KCNMB1: variants seen among roughly 807,000 people sequenced by gnomAD.
KCNMB1 encodes the protein potassium calcium-activated channel subfamily M regulatory beta subunit 1.
Under a neutral mutation model 21.7 loss-of-function variants are expected in KCNMB1, and 22 were observed. The observed-to-expected ratio is 1.01, with a 90% CI of 0.72 to 1.45. The LOEUF (loss-of-function observed/expected upper bound fraction) is 1.45, where lower values mean the gene tolerates loss of function less well. Ranked by LOEUF, KCNMB1 falls within the 40% of genes most tolerant of loss-of-function variation. The pLI is 0.00. For synonymous variants in KCNMB1, 114 were observed against 107.6 expected, an observed-to-expected ratio of 1.06 and a Z score of -0.37; for missense variants, 243 against 243.4, an observed-to-expected ratio of 1.00 and a Z score of 0.01.
In KCNMB1 at chr5:170,378,747, A is replaced by C; in HGVS notation, c.533T>G (p.Val178Gly). The C allele has an allele frequency of 6.2e-7, 1 of 1,614,096 alleles. No individual in the cohort carries two copies. Among genetic ancestry groups the C allele is most frequent in the Non-Finnish European group, 8.5e-7 (1 of 1,179,990 alleles). The change falls in exon 4 of 4, where the codon GTG (valine) becomes GGG (glycine). Residue 178 changes from valine (V) to glycine (G), a missense_variant. By Grantham distance (109) the Val-to-Gly change is moderately radical. Transcript: ENST00000274629. ...LTGGLLIIAM[V>G]KSNQYLSILA... The stretch of plus-strand genomic sequence containing the variant: ...GATGGACAGGTACTGGTTGCTCTTC[A>C]CCATGGCGATAATGAGGAGGCCACC...
chr5:170,384,712 T>C lies in KCNMB1; in HGVS notation c.134+602A>G, dbSNP rs1381062312. Among the ~76,000 whole-genome samples, 3 of 152,294 alleles carry C rather than the reference T, an allele frequency of 2.0e-5. No individual in the cohort carries two copies. In the East Asian group the frequency reaches 5.8e-4, roughly 29 times the overall value. On this transcript the variant is annotated intron_variant, in intron 2 of 3. Coordinates refer to ENST00000274629, the MANE Select transcript of KCNMB1 (RefSeq NM_004137.4). Reference sequence around the variant, plus strand: ...TCTTTGTTCCAAATAGAACACGAATTAGGAATTCACAGCTTTTCCTTAAAA... The same window carrying C: ...TCTTTGTTCCAAATAGAACACGAATCAGGAATTCACAGCTTTTCCTTAAAA...
intron 1 of KCNMB1, among the ~76,000 whole-genome samples, chr5:170,388,840 T>C (rs1764591850): frequency 6.6e-6 from 1 of 152,228 alleles, no homozygotes; most frequent in African/African-American, 2.4e-5. Flanking sequence ...ACATGTATCA[T>C]AGCACCTAGC....
At chr5:170,382,940 C>CAAGGAAGGAAGG (rs60329523) in intron 3 of KCNMB1, 55 of 131,156 alleles carry the variant, frequency 4.2e-4, no homozygotes, top group African/African-American at 1.4e-3. Flanking sequence ...AAGAAGGAAA[C>CAAGGAAGGAAGG]AAGGAAGGAA....
chr5:170,376,939 T>C lies in KCNMB1; in HGVS notation c.*1765A>G, dbSNP rs1421954169. The C allele has an allele frequency of 6.6e-6, 1 of 152,216 alleles. No individual in the cohort carries two copies. Among genetic ancestry groups the C allele is most frequent in the Non-Finnish European group, 1.5e-5 (1 of 68,040 alleles). The allele number at this position is 152,216 out of a possible 1,614,324, so 9.4% of individuals were successfully genotyped here. A position where few individuals can be genotyped will look rare whatever the true frequency, so the allele number is the denominator to read the frequency against. On this transcript the variant is annotated 3_prime_UTR_variant, in exon 4 of 4. Transcript: ENST00000274629. ...CTATAGTTGCCATTTTAAACACCTA[T>C]GATGTGTCAAACATTCCTTCAGCCC... is the stretch of plus-strand genomic sequence containing the variant.
rs952131590 is a variant in KCNMB1, at chr5:170,376,869, A to C, written c.*1835T>G. 6.6e-6 allele frequency: 1 copy of C among 152,244 alleles called. No homozygotes were observed. Among genetic ancestry groups the C allele is most frequent in the Non-Finnish European group, 1.5e-5 (1 of 68,044 alleles). The allele number at this position is 152,244 out of a possible 1,614,324, so 9.4% of individuals were successfully genotyped here. ...CTGAACGTGTACCCTGCAACTTAAA[A>C]TGAAAGTTAAGAAAAAAACACACAC... On this transcript the variant is annotated 3_prime_UTR_variant, in exon 4 of 4. Transcript: ENST00000274629.
chr5:170,383,983 T>C (rs571837509), intron 2 of KCNMB1, 133 bp from the exon 3 acceptor site: 6 of 877,924 alleles, frequency 6.8e-6, no homozygotes, highest in East Asian at 5.3e-5. Flanking sequence ...GTCTTCAGCA[T>C]CCAGCAATAA....
chr5:170,380,541 C>A (rs530586422), intron 3 of KCNMB1, among the ~76,000 whole-genome samples: 2 of 152,320 alleles, frequency 1.3e-5, no homozygotes, highest in African/African-American at 4.8e-5. Flanking sequence ...AGGAGGGTTG[C>A]ACTGTAGTTC....
intron 3 of KCNMB1, chr5:170,383,167 A>G (rs909725093): frequency 1.1e-5 from 2 of 189,320 alleles, no homozygotes; most frequent in African/African-American, 4.7e-5. Flanking sequence ...GGATGGAAAA[A>G]CCATCTAAAT....
At chr5:170,386,115 A>C (rs1764459660) in intron 1 of KCNMB1, among the ~76,000 whole-genome samples, 1 of 144,526 alleles carries the variant, frequency 6.9e-6, no homozygotes, top group South Asian at 2.2e-4. Context: ...ACAAAGCAAG[A>C]CTCCGTCAAA....
chr5:170,381,240 C>T (rs1191060019), intron 3 of KCNMB1, among the ~76,000 whole-genome samples: 1 of 152,184 alleles, frequency 6.6e-6, no homozygotes, highest in Non-Finnish European at 1.5e-5. Flanking sequence ...TCCTTTCTCT[C>T]CTGTCCTGGG....
intron 1 of KCNMB1, among the ~76,000 whole-genome samples, chr5:170,388,023 C>CG (rs1365673849): frequency 1.3e-5 from 2 of 149,524 alleles, no homozygotes; most frequent in African/African-American, 5.0e-5. Context: ...AATCAGCCCC[C>CG]CCCAGCGCCC....
chr5:170,386,743 G>A (rs541677976), intron 1 of KCNMB1, among the ~76,000 whole-genome samples: 2 of 151,838 alleles, frequency 1.3e-5, no homozygotes, highest in African/African-American at 2.4e-5. Flanking sequence ...AAGAAAGAAG[G>A]CATCATGGTG....
chr5:170,381,645 G>A (rs575190842), intron 3 of KCNMB1, among the ~76,000 whole-genome samples: 1 of 152,344 alleles, frequency 6.6e-6, no homozygotes, highest in Non-Finnish European at 1.5e-5. Context: ...TGGGCGGCAG[G>A]GGAGAGGACA....
chr5:170,381,991 C>T (rs1764261232), intron 3 of KCNMB1, among the ~76,000 whole-genome samples: 1 of 152,064 alleles, frequency 6.6e-6, no homozygotes, highest in Non-Finnish European at 1.5e-5. Context: ...TCTCATTGAC[C>T]TTCAGCACTC....
chr5:170,386,561 T>C (rs1417908246), intron 1 of KCNMB1, among the ~76,000 whole-genome samples: 16 of 152,134 alleles, frequency 1.1e-4, no homozygotes, highest in Non-Finnish European at 7.3e-5. Context: ...ACTTGGAGTA[T>C]TTCTGCCCAG....
rs1049013019 is a variant in KCNMB1, at chr5:170,378,231, A to C, written c.*473T>G. The C allele has an allele frequency of 6.5e-6, 1 of 154,730 alleles. No homozygotes were observed. The highest frequency in any genetic ancestry group is 2.4e-5 in the African/African-American group (1 of 41,524). The allele number at this position is 154,730 out of a possible 1,614,324, so 9.6% of individuals were successfully genotyped here. ...TATATGGCACTTTATATCCTAGAAA[A>C]TAGTAATACTGTAAATGTGTTCTAG... On this transcript the variant is annotated 3_prime_UTR_variant, in exon 4 of 4. Coordinates refer to ENST00000274629, the MANE Select transcript of KCNMB1 (RefSeq NM_004137.4).
intron 1 of KCNMB1, among the ~76,000 whole-genome samples, chr5:170,385,781 A>C (rs2113347129): frequency 6.6e-6 from 1 of 152,152 alleles, no homozygotes; most frequent in African/African-American, 2.4e-5. Flanking sequence ...GGAAGCTATC[A>C]ATGTTACTTT....
Position 170,387,845 on chromosome 5 carries a change from G to A in KCNMB1, c.-25+1414C>T, listed in dbSNP as rs114199514. Among the ~76,000 whole-genome samples the A allele has an allele frequency of 6.6e-3, 1,001 of 152,288 alleles. 13 individuals carry two copies. Among genetic ancestry groups the A allele is most frequent in the African/African-American group, 0.023 (945 of 41,550 alleles). ...AGCCTGCTTCCCCAGGACCTGCAAG[G>A]GTCACTGGCACTTGGCCCCACCCCA... On this transcript the variant is annotated intron_variant, in intron 1 of 3. Coordinates refer to ENST00000274629, the MANE Select transcript of KCNMB1 (RefSeq NM_004137.4).
Position 170,375,965 on chromosome 5 carries a change from A to G in KCNMB1, c.*2739T>C, listed in dbSNP as rs1763985227. On this transcript the variant is annotated 3_prime_UTR_variant, in exon 4 of 4. Transcript: ENST00000274629. ...CCCAAACAGTGCACATCCCAAGTCC[A>G]CATACTTAGCCACTGTCCTCTGTTG... The G allele has an allele frequency of 6.6e-6, 1 of 152,186 alleles. No homozygotes were observed. The highest frequency in any genetic ancestry group is 1.5e-5 in the Non-Finnish European group (1 of 68,058). The allele number at this position is 152,186 out of a possible 1,614,324, so 9.4% of individuals were successfully genotyped here. A position where few individuals can be genotyped will look rare whatever the true frequency, so the allele number is the denominator to read the frequency against.
Sources: gnomAD v4.1 joint callset for allele counts (sites outside exome capture counted in the v4.1 genomes callset) on GRCh38, gnomAD v4.1.1 for gene constraint, MANE v1.5 for transcripts, NCBI Gene and HGNC (gene_info 2026-07-23, HGNC 2026-07-21) for gene names.